CTTNBP2: variants seen among roughly 807,000 people sequenced by gnomAD.
The protein encoded by CTTNBP2 is cortactin-binding protein 2.
A neutral mutation model predicts 156.9 loss-of-function variants in CTTNBP2; 108 were observed. The observed-to-expected ratio is 0.69, with a 90% CI of 0.59 to 0.81. The LOEUF is 0.81. CTTNBP2 is among the 30% of genes least tolerant of loss of function. The probability of loss-of-function intolerance (pLI) is 0.00; values close to 1 mark genes in which losing one functional copy is unlikely to be tolerated. For synonymous variants in CTTNBP2, 767 were observed against 751.8 expected (o/e 1.02, Z -0.33); for missense variants, 1,924 against 2,035.4 (o/e 0.95, Z 1.05).
chr7:117,790,634 T>G (rs570822184), intron 4 of CTTNBP2, among the ~76,000 whole-genome samples: 2 of 151,892 alleles, frequency 1.3e-5, no homozygotes, highest in Admixed American at 1.3e-4. Flanking sequence ...AAACTGATAT[T>G]AGAACTTAAA....
chr7:117,733,702 G>T (rs916163371), intron 16 of CTTNBP2, among the ~76,000 whole-genome samples: 1 of 152,062 alleles, frequency 6.6e-6, no homozygotes, highest in Non-Finnish European at 1.5e-5. Context: ...AGGAATTTCA[G>T]ATATTAATTC....
At chr7:117,737,247 G>A (rs1388741531) in intron 14 of CTTNBP2, among the ~76,000 whole-genome samples, 1 of 152,166 alleles carries the variant, frequency 6.6e-6, no homozygotes, top group East Asian at 1.9e-4. Context: ...GTGGAAGTAT[G>A]AGAAATCCGT....
At chr7:117,772,108 T>C (rs993294546) in intron 8 of CTTNBP2, among the ~76,000 whole-genome samples, 22 of 152,134 alleles carry the variant, frequency 1.4e-4, no homozygotes, top group South Asian at 6.2e-4. Flanking sequence ...CTGGCAGTGA[T>C]AGAGGCTTGG....
intron 8 of CTTNBP2, among the ~76,000 whole-genome samples, chr7:117,772,195 C>T (rs2116728559): frequency 6.6e-6 from 1 of 152,272 alleles, no homozygotes; most frequent in African/African-American, 2.4e-5. Context: ...TAAAGGGAAG[C>T]AGAGAGACCG....
chr7:117,842,616 T>A (rs564148657), intron 2 of CTTNBP2, among the ~76,000 whole-genome samples: 1 of 152,156 alleles, frequency 6.6e-6, no homozygotes, highest in South Asian at 2.1e-4. Flanking sequence ...CTAGGTAATG[T>A]GTAAAAAGTG....
intron 12 of CTTNBP2, among the ~76,000 whole-genome samples, chr7:117,747,495 G>A (rs1054342914): frequency 4.6e-5 from 7 of 152,174 alleles, no homozygotes; most frequent in African/African-American, 7.2e-5. Context: ...GCTTTGGGCC[G>A]CACGTGGTGG....
At chr7:117,828,351 T>C (rs1416491949) in intron 2 of CTTNBP2, among the ~76,000 whole-genome samples, 2 of 152,128 alleles carry the variant, frequency 1.3e-5, no homozygotes, top group South Asian at 2.1e-4. Flanking sequence ...GCCCCCCAGA[T>C]GGGTGGCATA....
intron 14 of CTTNBP2, among the ~76,000 whole-genome samples, chr7:117,738,030 G>A (rs985147994): frequency 3.9e-5 from 6 of 152,280 alleles, no homozygotes; most frequent in Admixed American, 2.6e-4. Flanking sequence ...ATAGCAAGTC[G>A]GGCCAGGGCT....
intron 9 of CTTNBP2, among the ~76,000 whole-genome samples, chr7:117,763,737 T>C (rs1324503533): frequency 1.3e-5 from 2 of 151,492 alleles, no homozygotes; most frequent in Non-Finnish European, 2.9e-5. Context: ...GCCTGGCAAT[T>C]TATTTTTATT....
intron 2 of CTTNBP2, among the ~76,000 whole-genome samples, chr7:117,834,213 C>T (rs35132898): frequency 0.059 from 8,932 of 152,212 alleles, 363 homozygotes; most frequent in Admixed American, 0.12. Context: ...TGCTACCACA[C>T]CTGGCTAATT....
At chr7:117,798,442 A>C (rs1420598499) in intron 3 of CTTNBP2, among the ~76,000 whole-genome samples, 1 of 152,158 alleles carries the variant, frequency 6.6e-6, no homozygotes, top group Non-Finnish European at 1.5e-5. Context: ...TATTAAGAAA[A>C]CCTCAAAATT....
chr7:117,796,759 A>G (rs997690191), intron 3 of CTTNBP2, among the ~76,000 whole-genome samples: 1 of 152,242 alleles, frequency 6.6e-6, no homozygotes, highest in Non-Finnish European at 1.5e-5. Flanking sequence ...CTAGAGGCAT[A>G]CAAAAATCTA....
At chr7:117,823,277 G>A (rs911678499) in intron 2 of CTTNBP2, among the ~76,000 whole-genome samples, 2 of 151,936 alleles carry the variant, frequency 1.3e-5, no homozygotes, top group African/African-American at 2.4e-5. Context: ...CATCTGCTTC[G>A]AAAAATAAGC....
At chr7:117,749,405 C>A (rs938351133) in intron 12 of CTTNBP2, among the ~76,000 whole-genome samples, 3 of 152,144 alleles carry the variant, frequency 2.0e-5, no homozygotes, top group African/African-American at 7.2e-5. Flanking sequence ...ATGGAATGAA[C>A]TCCTACTGTC....
Position 117,711,753 on chromosome 7 carries a change from A to G in CTTNBP2, c.4776T>C (p.Thr1592=). 1.2e-6 allele frequency: 2 copies of G among 1,613,758 alleles called. No homozygotes were observed. The highest frequency in any genetic ancestry group is 1.7e-6 in the Non-Finnish European group (2 of 1,179,742). ...KEVSPLSSHQ[T]TECSNSKSKT... ...TTGATTTACTGTTGCTGCATTCAGT[A>G]GTTTGATGGCTGCTGAGAGGACTGA... Residue 1592 remains threonine, a synonymous_variant, in exon 23 of 23, where the codon ACT becomes ACC. Transcript: ENST00000160373.
Position 117,711,343 on chromosome 7 carries a change from C to T in CTTNBP2, c.*194G>A, listed in dbSNP as rs1434334328. On this transcript the variant is annotated 3_prime_UTR_variant, in exon 23 of 23. Transcript: ENST00000160373. ...TTCCTGGTATTGAAGTTCAATCCTA[C>T]AGAATTAAAAAAAAAAGCAACAAAA... 1.1e-5 allele frequency: 6 copies of T among 563,738 alleles called. No homozygotes were observed. The highest frequency in any genetic ancestry group is 1.5e-5 in the Non-Finnish European group (5 of 338,474). 34.9% of individuals were successfully genotyped at this position (563,738 alleles called of 1,614,324 possible). A position where few individuals can be genotyped will look rare whatever the true frequency, so the allele number is the denominator to read the frequency against.
chr7:117,790,868 C>G (rs1798955972), intron 4 of CTTNBP2, among the ~76,000 whole-genome samples: 1 of 152,086 alleles, frequency 6.6e-6, no homozygotes, highest in Admixed American at 6.5e-5. Context: ...TCTCCATGTG[C>G]TTTAAGCCAC....
intron 19 of CTTNBP2, among the ~76,000 whole-genome samples, chr7:117,723,899 T>G (rs1417614865): frequency 6.6e-6 from 1 of 151,912 alleles, no homozygotes; most frequent in African/African-American, 2.4e-5. Flanking sequence ...ATTACAAGCA[T>G]GCGCCACCAT....
chr7:117,725,833 G>A (rs1377199590), intron 17 of CTTNBP2, among the ~76,000 whole-genome samples: 4 of 152,096 alleles, frequency 2.6e-5, no homozygotes, highest in African/African-American at 4.8e-5. Flanking sequence ...GATTACAGGC[G>A]TGTGGCAACA....
Sources: allele counts gnomAD v4.1 joint callset (sites outside exome capture counted in the v4.1 genomes callset), GRCh38; gene constraint gnomAD v4.1.1; transcripts MANE v1.5; gene names NCBI Gene and HGNC (gene_info 2026-07-23, HGNC 2026-07-21).